LRRTM4: variants seen among roughly 807,000 people sequenced by gnomAD.
The protein encoded by LRRTM4 is leucine rich repeat transmembrane neuronal 4.
A neutral mutation model predicts 47.6 loss-of-function variants in LRRTM4; 25 were observed. The ratio of observed to expected loss-of-function variants is 0.53; its 90% CI spans 0.38 to 0.73. The LOEUF is 0.73. Among genes scored for constraint, LRRTM4 ranks in the 30% least tolerant of loss-of-function variants. The pLI is 0.00. For missense variants in LRRTM4, 638 were observed against 713.4 expected, an observed-to-expected ratio of 0.89 and a Z score of 1.20; for synonymous variants, 311 against 269.5, an observed-to-expected ratio of 1.15 and a Z score of -1.51.
At chr2:77,010,573 A>G (rs959144264) in intron 3 of LRRTM4, among the ~76,000 whole-genome samples, 1 of 151,070 alleles carries the variant, frequency 6.6e-6, no homozygotes, top group Non-Finnish European at 1.5e-5. Flanking sequence ...CTGTTGATAG[A>G]CACTTAGTTG....
At chr2:77,236,221 T>C (rs1011342981) in intron 3 of LRRTM4, among the ~76,000 whole-genome samples, 1 of 152,056 alleles carries the variant, frequency 6.6e-6, no homozygotes, top group Admixed American at 6.6e-5. Context: ...TTTCCCCTTA[T>C]AGAGATCTTT....
intron 3 of LRRTM4, among the ~76,000 whole-genome samples, chr2:77,209,824 T>C (rs988353518): frequency 2.6e-5 from 4 of 152,330 alleles, no homozygotes; most frequent in Non-Finnish European, 5.9e-5. Flanking sequence ...GTGAACAAAG[T>C]GAAAACAGCT....
chr2:77,449,520 CAA>C (rs1290385918), intron 3 of LRRTM4, among the ~76,000 whole-genome samples: 6 of 152,100 alleles, frequency 3.9e-5, no homozygotes, highest in Non-Finnish European at 7.4e-5. Context: ...AAAGCATTCC[CAA>C]AGTTATAGAA....
At chr2:77,375,247 C>T (rs1672790506) in intron 3 of LRRTM4, among the ~76,000 whole-genome samples, 1 of 151,694 alleles carries the variant, frequency 6.6e-6, no homozygotes, top group Non-Finnish European at 1.5e-5. Flanking sequence ...GATATCCTCC[C>T]TCTTTTTCTA....
chr2:76,972,555 C>G (rs1029568653), intron 3 of LRRTM4, among the ~76,000 whole-genome samples: 24 of 151,330 alleles, frequency 1.6e-4, no homozygotes, highest in Non-Finnish European at 3.2e-4. Flanking sequence ...GTAGCTGGGA[C>G]TACAGTTGTG....
At chr2:77,418,986 T>C (rs1269254190) in intron 3 of LRRTM4, among the ~76,000 whole-genome samples, 1 of 152,188 alleles carries the variant, frequency 6.6e-6, no homozygotes, top group Non-Finnish European at 1.5e-5. Context: ...TTATTCATCA[T>C]GTTTATTGAT....
chr2:77,427,342 G>A (rs1157969904), intron 3 of LRRTM4, among the ~76,000 whole-genome samples: 1 of 152,046 alleles, frequency 6.6e-6, no homozygotes, highest in African/African-American at 2.4e-5. Flanking sequence ...AGAAAAATTT[G>A]TTGAAAAAAT....
intron 3 of LRRTM4, among the ~76,000 whole-genome samples, chr2:77,390,563 C>A (rs1343354314): frequency 6.6e-6 from 1 of 151,752 alleles, no homozygotes; most frequent in Admixed American, 6.6e-5. Context: ...AGCATCATTT[C>A]CCCTCTTAAC....
intron 3 of LRRTM4, among the ~76,000 whole-genome samples, chr2:76,831,346 C>G (rs567828623): frequency 6.6e-6 from 1 of 152,064 alleles, no homozygotes; most frequent in Non-Finnish European, 1.5e-5. Context: ...CGTGTGCACA[C>G]GCTCGCATTT....
intron 3 of LRRTM4, among the ~76,000 whole-genome samples, chr2:76,749,902 G>C (rs1332391035): frequency 2.0e-5 from 3 of 152,314 alleles, no homozygotes; most frequent in South Asian, 4.1e-4. Flanking sequence ...AAGTGCAAAG[G>C]CTCCATTGCC....
At chr2:76,894,380 A>C (rs1673344936) in intron 3 of LRRTM4, among the ~76,000 whole-genome samples, 1 of 152,034 alleles carries the variant, frequency 6.6e-6, no homozygotes, top group South Asian at 2.1e-4. Flanking sequence ...TGACTCATAT[A>C]ATCTACTATA....
intron 3 of LRRTM4, among the ~76,000 whole-genome samples, chr2:76,928,722 A>G (rs1674668601): frequency 6.6e-6 from 1 of 152,138 alleles, no homozygotes; most frequent in Admixed American, 6.6e-5. Flanking sequence ...AAGCTGACAG[A>G]ATGACTTTTA....
chr2:76,973,998 C>T (rs1248055466), intron 3 of LRRTM4, among the ~76,000 whole-genome samples: 8 of 151,450 alleles, frequency 5.3e-5, no homozygotes. Context: ...AATGTACTGT[C>T]CAGTGCTTTT....
intron 3 of LRRTM4, among the ~76,000 whole-genome samples, chr2:77,502,433 T>C (rs563899624): frequency 4.4e-4 from 67 of 151,544 alleles, no homozygotes; most frequent in Admixed American, 7.3e-4. Flanking sequence ...AGTTAATCTA[T>C]AGCTTTGAAC....
At chr2:77,013,361 G>A (rs529992144) in intron 3 of LRRTM4, among the ~76,000 whole-genome samples, 28 of 152,278 alleles carry the variant, frequency 1.8e-4, no homozygotes, top group African/African-American at 6.7e-4. Context: ...CAGCTCGCAG[G>A]CAATAGAGAA....
chr2:77,448,436 G>A (rs1676136420), intron 3 of LRRTM4, among the ~76,000 whole-genome samples: 1 of 152,006 alleles, frequency 6.6e-6, no homozygotes, highest in African/African-American at 2.4e-5. Flanking sequence ...ACACTAGAGG[G>A]ATACAGTTTG....
chr2:77,307,337 A>G (rs138990746), intron 3 of LRRTM4, among the ~76,000 whole-genome samples: 131 of 151,474 alleles, frequency 8.6e-4, no homozygotes, highest in Middle Eastern at 3.4e-3. Context: ...TTTTCTCATT[A>G]TATTTATCCA....
At chr2:76,972,412 CTTTTTTTT>C (rs397869502) in intron 3 of LRRTM4, among the ~76,000 whole-genome samples, 20 of 95,254 alleles carry the variant, frequency 2.1e-4, no homozygotes, top group African/African-American at 7.0e-4. Flanking sequence ...TCATTGAACA[CTTTTTTTT>C]TTTTTTTTTT....
intron 3 of LRRTM4, among the ~76,000 whole-genome samples, chr2:77,364,204 G>T (rs1339853253): frequency 6.6e-6 from 1 of 151,512 alleles, no homozygotes; most frequent in African/African-American, 2.4e-5. Flanking sequence ...CAGCACACCT[G>T]CCACATCATA....
Sources: allele counts gnomAD v4.1 joint callset (sites outside exome capture counted in the v4.1 genomes callset), GRCh38; gene constraint gnomAD v4.1.1; transcripts MANE v1.5; gene names NCBI Gene and HGNC (gene_info 2026-07-23, HGNC 2026-07-21).